KCNIP4: variants seen among roughly 807,000 people sequenced by gnomAD.
The protein encoded by KCNIP4 is Kv channel-interacting protein 4.
In KCNIP4, 12 loss-of-function variants were observed where a neutral mutation model predicts 34.0. That is an observed-to-expected ratio of 0.35 (90% CI 0.23 to 0.57). The LOEUF (loss-of-function observed/expected upper bound fraction) is 0.57. Among genes scored for constraint, KCNIP4 ranks in the 20% least tolerant of loss-of-function variants. KCNIP4 has a pLI of 0.83. For synonymous variants in KCNIP4, 124 were observed against 102.2 expected, an observed-to-expected ratio of 1.21 and a Z score of -1.29; for missense variants, 238 against 311.7, an observed-to-expected ratio of 0.76 and a Z score of 1.78.
rs570073681 is a variant in KCNIP4, at chr4:21,452,998, C to T, written c.61+495573G>A. 5.9e-5 allele frequency among the ~76,000 whole-genome samples: 9 copies of T among 152,228 alleles called. No individual in the cohort carries two copies. In the South Asian group the frequency reaches 1.7e-3, roughly 28 times the overall value. ...TTTTTAGTAGATGAGAGTCTTGTGG[C>T]AACCCATAGTTTAGGCACCTTTTAG... On this transcript the variant is annotated intron_variant, in intron 1 of 8. Transcript: ENST00000382152.
intron 3 of KCNIP4, among the ~76,000 whole-genome samples, chr4:20,802,155 TATATATATG>T (rs1714343944): frequency 1.4e-5 from 2 of 142,294 alleles, no homozygotes; most frequent in African/African-American, 5.2e-5. Context: ...ATATATATGC[TATATATATG>T]CTATATATGC....
Position 20,916,289 on chromosome 4 carries a change from C to G in KCNIP4, c.62-33580G>C, listed in dbSNP as rs369432388. The G allele has an allele frequency of 8.9e-5, 88 of 983,888 alleles. No homozygotes were observed. In the East Asian group the frequency reaches 1.8e-3, roughly 20 times the overall value. The allele number at this position is 983,888 out of a possible 1,614,324, so 60.9% of individuals were successfully genotyped here. A position where few individuals can be genotyped will look rare whatever the true frequency, so the allele number is the denominator to read the frequency against. The stretch of plus-strand genomic sequence containing the variant: ...GACCTCCACCCACATTTCCTGCCCA[C>G]GTAACCTCAGAGTGGCTTTTTAGAA... On this transcript the variant is annotated intron_variant, in intron 1 of 8. Coordinates refer to ENST00000382152, the MANE Select transcript of KCNIP4 (RefSeq NM_025221.6).
chr4:20,946,916 T>C (rs1432530476), intron 1 of KCNIP4, among the ~76,000 whole-genome samples: 1 of 152,140 alleles, frequency 6.6e-6, no homozygotes, highest in Non-Finnish European at 1.5e-5. Flanking sequence ...AATACTAGGA[T>C]TCCATTCAGA....
intron 1 of KCNIP4, among the ~76,000 whole-genome samples, chr4:21,361,053 T>A (rs1039861623): frequency 2.6e-5 from 4 of 152,122 alleles, no homozygotes; most frequent in African/African-American, 9.7e-5. Context: ...ATCATCATCA[T>A]CATTTAATTT....
chr4:21,123,088 C>T (rs1319885542), intron 1 of KCNIP4, among the ~76,000 whole-genome samples: 1 of 152,090 alleles, frequency 6.6e-6, no homozygotes, highest in Non-Finnish European at 1.5e-5. Context: ...GTGGCGGGCG[C>T]CTGTAGTCCC....
intron 1 of KCNIP4, among the ~76,000 whole-genome samples, chr4:21,781,104 G>A (rs117943781): frequency 0.026 from 3,919 of 152,138 alleles, 347 homozygotes; most frequent in East Asian, 0.26. Context: ...ATCTCATCTC[G>A]AATTATAATC....
At chr4:21,754,083 G>A (rs1380272) in intron 1 of KCNIP4, among the ~76,000 whole-genome samples, 13,930 of 152,214 alleles carry the variant, frequency 0.092, 675 homozygotes, top group Middle Eastern at 0.18. Flanking sequence ...AAATAAGCCT[G>A]CAGTAAGGGC....
At chr4:20,880,057 A>G (rs944046633) in intron 2 of KCNIP4, among the ~76,000 whole-genome samples, 1 of 152,218 alleles carries the variant, frequency 6.6e-6, no homozygotes, top group Non-Finnish European at 1.5e-5. Flanking sequence ...TGATTTTATA[A>G]AAAGTTTTAA....
At chr4:20,856,179 A>C (rs1418119811) in intron 2 of KCNIP4, among the ~76,000 whole-genome samples, 1 of 152,232 alleles carries the variant, frequency 6.6e-6, no homozygotes, top group Non-Finnish European at 1.5e-5. Flanking sequence ...TGTATTTGCC[A>C]ATGCAGGAGT....
At chr4:20,976,707 T>C (rs1464004171) in intron 1 of KCNIP4, among the ~76,000 whole-genome samples, 1 of 152,192 alleles carries the variant, frequency 6.6e-6, no homozygotes, top group Non-Finnish European at 1.5e-5. Context: ...GTCTTGGTGT[T>C]TTCTTGATGA....
At chr4:21,852,243 C>T (rs1294102997) in intron 1 of KCNIP4, 1 of 152,126 alleles carries the variant, frequency 6.6e-6, no homozygotes, top group Non-Finnish European at 1.5e-5. Context: ...TTGGTTTATT[C>T]AGCCAGTGTG....
chr4:20,758,807 A>G lies in KCNIP4; in HGVS notation c.358+14T>C, dbSNP rs754794985. 5 of 1,604,026 alleles carry G rather than the reference A, an allele frequency of 3.1e-6. No individual in the cohort carries two copies. The highest frequency in any genetic ancestry group is 1.7e-4 in the Middle Eastern group (1 of 6,026). ...ACTCTGATAGTATGTTAACAAGTCC[A>G]CATTTGTACTTACCTCCCTGTGGAA... On this transcript the variant is annotated intron_variant, in intron 4 of 8. Coordinates refer to ENST00000382152, the MANE Select transcript of KCNIP4 (RefSeq NM_025221.6).
At chr4:21,871,053 A>T (rs1334149501) in intron 1 of KCNIP4, among the ~76,000 whole-genome samples, 1 of 152,022 alleles carries the variant, frequency 6.6e-6, no homozygotes, top group Non-Finnish European at 1.5e-5. Context: ...TTTAATCAGG[A>T]TCCTCTGAGT....
chr4:21,530,098 A>G (rs1346984372), intron 1 of KCNIP4, among the ~76,000 whole-genome samples: 1 of 152,204 alleles, frequency 6.6e-6, no homozygotes, highest in African/African-American at 2.4e-5. Flanking sequence ...ATAAGGTGTC[A>G]TGACCATGCT....
intron 1 of KCNIP4, among the ~76,000 whole-genome samples, chr4:21,600,656 G>A (rs1743030683): frequency 6.6e-6 from 1 of 151,988 alleles, no homozygotes; most frequent in African/African-American, 2.4e-5. Flanking sequence ...TTCCAGCCAT[G>A]CCTAGAATCT....
At chr4:21,704,246 CT>C (rs1283960638) in intron 1 of KCNIP4, among the ~76,000 whole-genome samples, 1 of 152,064 alleles carries the variant, frequency 6.6e-6, no homozygotes, top group Non-Finnish European at 1.5e-5. Context: ...AGAAGAAAAT[CT>C]TCAGAATCTA....
At chr4:20,987,016 G>A (rs1032041497) in intron 1 of KCNIP4, among the ~76,000 whole-genome samples, 2 of 152,168 alleles carry the variant, frequency 1.3e-5, no homozygotes, top group African/African-American at 4.8e-5. Context: ...ACCCCCAGCT[G>A]TGAGATTTTG....
intron 1 of KCNIP4, among the ~76,000 whole-genome samples, chr4:21,023,037 G>A (rs569650636): frequency 6.6e-6 from 1 of 152,018 alleles, no homozygotes; most frequent in South Asian, 2.1e-4. Context: ...TGGTCAGGCT[G>A]GTCTCGAAGT....
intron 1 of KCNIP4, among the ~76,000 whole-genome samples, chr4:21,762,037 G>A (rs899418976): frequency 6.6e-6 from 1 of 151,988 alleles, no homozygotes; most frequent in Non-Finnish European, 1.5e-5. Flanking sequence ...TATGACTAGT[G>A]GAAATATTAC....
Sources: gnomAD v4.1 joint callset for allele counts (sites outside exome capture counted in the v4.1 genomes callset) on GRCh38, gnomAD v4.1.1 for gene constraint, MANE v1.5 for transcripts, NCBI Gene and HGNC (gene_info 2026-07-23, HGNC 2026-07-21) for gene names.